Variants in ZFYVE28 observed in about 807,000 individuals in gnomAD.
ZFYVE28 encodes zinc finger FYVE-type containing 28, also known as lateral signaling target protein 2 homolog.
In ZFYVE28, 40 loss-of-function variants were observed where a neutral mutation model predicts 82.1. The observed-to-expected ratio is 0.49, with a 90% CI of 0.38 to 0.63. The LOEUF (loss-of-function observed/expected upper bound fraction) is 0.63. Among genes scored for constraint, ZFYVE28 ranks in the 30% least tolerant of loss-of-function variants. The pLI is 0.00. For missense variants in ZFYVE28, 1,321 were observed against 1,242.1 expected (o/e 1.06, Z -0.96); for synonymous variants, 612 against 546.1 (o/e 1.12, Z -1.68).
chr4:2,303,307 C>A (rs1715898125), intron 8 of ZFYVE28, among the ~76,000 whole-genome samples: 1 of 152,184 alleles, frequency 6.6e-6, no homozygotes, highest in Admixed American at 6.5e-5. Context: ...AACCCCCTTC[C>A]CCAGTGTGAG....
chr4:2,310,438 G>A (rs188489388), intron 7 of ZFYVE28, among the ~76,000 whole-genome samples: 1 of 152,108 alleles, frequency 6.6e-6, no homozygotes, highest in Non-Finnish European at 1.5e-5. Flanking sequence ...TGAGAGATTG[G>A]TGTAGTTTTT....
At chr4:2,388,530 A>G (rs920287354) in intron 1 of ZFYVE28, among the ~76,000 whole-genome samples, 7 of 152,166 alleles carry the variant, frequency 4.6e-5, no homozygotes, top group African/African-American at 1.7e-4. Flanking sequence ...GTGTCACTCC[A>G]AAGCCCTAAG....
intron 1 of ZFYVE28, among the ~76,000 whole-genome samples, chr4:2,383,824 C>T (rs1728970176): frequency 6.6e-6 from 1 of 152,184 alleles, no homozygotes; most frequent in East Asian, 1.9e-4. Context: ...GGCTAAGGGC[C>T]TTTCTCTGTG....
At chr4:2,305,841 A>C (rs879008876) in intron 7 of ZFYVE28, among the ~76,000 whole-genome samples, 6 of 152,236 alleles carry the variant, frequency 3.9e-5, no homozygotes, top group Admixed American at 2.0e-4. Flanking sequence ...GGCATGTGTT[A>C]GCTGCATGAA....
At chr4:2,334,901 C>A (rs1301534721) in intron 6 of ZFYVE28, among the ~76,000 whole-genome samples, 2 of 137,700 alleles carry the variant, frequency 1.5e-5, no homozygotes, top group African/African-American at 5.2e-5. Context: ...TCTCTGTGGT[C>A]CACTCACTCC....
chr4:2,417,344 C>G lies in ZFYVE28; in HGVS notation c.39+941G>C, dbSNP rs1196515706. ...ACACCGCCGCGCCTTCATCCCGCGC[C>G]GAGCGCGCCCGGCCCTGCTCCGGCT... On this transcript the variant is annotated intron_variant, in intron 1 of 12. Coordinates refer to ENST00000290974, the MANE Select transcript of ZFYVE28 (RefSeq NM_020972.3). This position sits in a 1 kb window ranked among gnomAD's most constrained non-coding sequence, Gnocchi z 4.8. Among the ~76,000 whole-genome samples, 1 of 151,794 alleles carries G rather than the reference C, an allele frequency of 6.6e-6. No homozygotes were observed. The highest frequency in any genetic ancestry group is 1.5e-5 in the Non-Finnish European group (1 of 67,884).
intron 6 of ZFYVE28, among the ~76,000 whole-genome samples, chr4:2,328,073 T>C (rs1720138402): frequency 1.3e-5 from 2 of 152,204 alleles, no homozygotes; most frequent in African/African-American, 4.8e-5. Flanking sequence ...ACCCCAAACA[T>C]CTGAAATCAG....
At chr4:2,391,740 C>CTTT (rs60828021) in intron 1 of ZFYVE28, among the ~76,000 whole-genome samples, 36 of 142,226 alleles carry the variant, frequency 2.5e-4, no homozygotes, top group African/African-American at 6.5e-4. Context: ...TTCTCTCTCT[C>CTTT]TTTTTTTTTT....
chr4:2,406,138 G>A (rs931701603), intron 1 of ZFYVE28, among the ~76,000 whole-genome samples: 11 of 151,748 alleles, frequency 7.2e-5, no homozygotes, highest in Non-Finnish European at 1.5e-4. Context: ...TTGGGAGGCC[G>A]AGGCAGGTGA....
At chr4:2,366,562 T>C (rs1337542849) in intron 1 of ZFYVE28, among the ~76,000 whole-genome samples, 1 of 152,218 alleles carries the variant, frequency 6.6e-6, no homozygotes, top group African/African-American at 2.4e-5. Flanking sequence ...GCTGGCAGCC[T>C]TCCCCACAGC....
chr4:2,284,692 G>C (rs567385811), intron 8 of ZFYVE28, among the ~76,000 whole-genome samples: 14 of 152,188 alleles, frequency 9.2e-5, no homozygotes, highest in Admixed American at 9.1e-4. Context: ...AAAGACCTCC[G>C]GGGGGCTGAG....
chr4:2,297,553 A>C (rs1306079623), intron 8 of ZFYVE28, among the ~76,000 whole-genome samples: 1 of 152,268 alleles, frequency 6.6e-6, no homozygotes, highest in Non-Finnish European at 1.5e-5. Context: ...TCACCGCCAG[A>C]AGAGCGGGGG....
Position 2,273,258 on chromosome 4 carries a change from G to A in ZFYVE28, c.2238C>T (p.Ala746=). 6.2e-7 allele frequency: 1 copy of A among 1,613,278 alleles called. No homozygotes were observed. The highest frequency in any genetic ancestry group is 1.1e-5 in the South Asian group (1 of 91,068). ...TTTTAAGAATACTTCTCAGGTCACTGGCATAGTTCGTCTGCAGCTGGTCAG... is the reference window on the plus strand; with the variant it reads ...TTTTAAGAATACTTCTCAGGTCACTAGCATAGTTCGTCTGCAGCTGGTCAG... ...GVADQLQTNY[A]SDLRSILKTL... The change falls in exon 10 of 13, where the codon GCC becomes GCT. Residue 746 remains alanine (A), a synonymous_variant. Coordinates refer to ENST00000290974, the MANE Select transcript of ZFYVE28 (RefSeq NM_020972.3).
chr4:2,397,542 T>A (rs1730611920), intron 1 of ZFYVE28, among the ~76,000 whole-genome samples: 2 of 151,308 alleles, frequency 1.3e-5, no homozygotes, highest in South Asian at 4.2e-4. Context: ...TCTCCACAAC[T>A]TTCTCACCTT....
intron 6 of ZFYVE28, among the ~76,000 whole-genome samples, chr4:2,334,011 G>A (rs1721154623): frequency 6.6e-6 from 1 of 152,142 alleles, no homozygotes; most frequent in African/African-American, 2.4e-5. Flanking sequence ...CTTGTCGCTG[G>A]CCACTGGGGA....
chr4:2,304,867 C>G lies in ZFYVE28; in HGVS notation c.1473G>C (p.Trp491Cys), dbSNP rs1362235301. 1 of 1,612,564 alleles carries G rather than the reference C, an allele frequency of 6.2e-7. No homozygotes were observed. Among genetic ancestry groups the G allele is most frequent in the Non-Finnish European group, 8.5e-7 (1 of 1,179,870 alleles). The change falls in exon 8 of 13, where the codon TGG becomes TGC. Residue 491 changes from tryptophan (W) to cysteine (C), a missense_variant. Physicochemically the swap from Trp to Cys is radical, Grantham distance 215 (BLOSUM62 -2). Coordinates refer to ENST00000290974, the MANE Select transcript of ZFYVE28 (RefSeq NM_020972.3). ...TCTCTGCGTCATCCGCACCCACCTC[C>G]CAGCCGTCCAGGTGCAGCCGCGAGT... ...CLDSRLHLDG[W>C]EVGADDAETA...
At position 2,305,048 on chromosome 4, in the gene ZFYVE28, G is replaced by T. The variant is rs1426517404; in HGVS notation, c.1292C>A (p.Ala431Asp). 1 of 1,612,050 alleles carries T rather than the reference G, an allele frequency of 6.2e-7. No homozygotes were observed. Among genetic ancestry groups the T allele is most frequent in the Admixed American group, 1.7e-5 (1 of 59,978 alleles). Reference protein sequence around the residue: ...GPFGWAGSTWADPQEKGQGGP... With the variant: ...GPFGWAGSTWDDPQEKGQGGP... ...ACCCTGCCCTTTCTCCTGGGGGTCG[G>T]CCCAGGTACTGCCTGCCCACCCAAA... The change falls in exon 8 of 13, where the codon GCC becomes GAC. Residue 431 changes from alanine (A) to aspartate (D), a missense_variant. Coordinates refer to ENST00000290974, the MANE Select transcript of ZFYVE28 (RefSeq NM_020972.3).
At chr4:2,389,952 T>C (rs1000460434) in intron 1 of ZFYVE28, among the ~76,000 whole-genome samples, 1 of 152,046 alleles carries the variant, frequency 6.6e-6, no homozygotes, top group African/African-American at 2.4e-5. Flanking sequence ...ACGCCTCCCT[T>C]CCTCCCGCCC....
rs540386673 is a variant in ZFYVE28, at chr4:2,356,294, G to A, written c.40-2221C>T. ...CTGGGACTGTTCACAGGAGGCTGACGGAGCCTCTGCACCCACTCGCTCTCC... is the reference window on the plus strand; with the variant it reads ...CTGGGACTGTTCACAGGAGGCTGACAGAGCCTCTGCACCCACTCGCTCTCC... On this transcript the variant is annotated intron_variant, in intron 1 of 12. Coordinates refer to ENST00000290974, the MANE Select transcript of ZFYVE28 (RefSeq NM_020972.3). Among the ~76,000 whole-genome samples the A allele has an allele frequency of 7.2e-5, 11 of 152,268 alleles. No individual in the cohort carries two copies. The South Asian group carries it at 2.1e-3, about 29-fold the overall frequency.
Sources: allele counts gnomAD v4.1 joint callset (sites outside exome capture counted in the v4.1 genomes callset), GRCh38; gene constraint gnomAD v4.1.1; non-coding constraint Gnocchi (gnomAD v3.1); transcripts MANE v1.5; gene names NCBI Gene and HGNC (gene_info 2026-07-23, HGNC 2026-07-21).